Variants in BMX observed in about 807,000 individuals in gnomAD.
BMX encodes cytoplasmic tyrosine-protein kinase BMX.
In BMX, 31 loss-of-function variants were observed where a neutral mutation model predicts 59.2. The observed-to-expected ratio is 0.52, with a 90% confidence interval of 0.39 to 0.71. BMX has a LOEUF of 0.71. Ranked by LOEUF, BMX falls within the 30% of genes least tolerant of loss-of-function variation. BMX has a pLI of 0.00. For missense variants in BMX, 474 were observed against 491.7 expected, an observed-to-expected ratio of 0.96 and a Z score of 0.34; for synonymous variants, 185 against 181.0, an observed-to-expected ratio of 1.02 and a Z score of -0.18.
intron 4 of BMX, 50 bp from the exon 5 acceptor site, chrX:15,516,062 C>G (rs1187818731): frequency 8.4e-7 from 1 of 1,195,486 alleles, no homozygotes; most frequent in East Asian, 3.0e-5. Flanking sequence ...TGTTTCTCCT[C>G]TTGGATCAAC....
chrX:15,521,876 A>G (rs187306613), intron 6 of BMX, among the ~76,000 whole-genome samples: 30 of 112,066 alleles, frequency 2.7e-4, no homozygotes, highest in Admixed American at 1.9e-4. Context: ...ACATGAACAT[A>G]TTCGGGAGAC....
chrX:15,543,018 C>T, intron 15 of BMX, 53 bp from the exon 16 acceptor site: 2 of 1,105,369 alleles, frequency 1.8e-6, no homozygotes, highest in African/African-American at 1.8e-5. Context: ...AGGAAAATGT[C>T]AGGAGATTCT....
chrX:15,532,542 G>C (rs1514284), intron 11 of BMX, among the ~76,000 whole-genome samples: 9,815 of 111,230 alleles, frequency 0.088, 1,047 homozygotes, highest in African/African-American at 0.3. Context: ...TGAGAATCTG[G>C]TCAAATATTG....
chrX:15,510,870 A>G (rs907753464), intron 3 of BMX, among the ~76,000 whole-genome samples: 2 of 112,374 alleles, frequency 1.8e-5, no homozygotes, highest in Admixed American at 9.4e-5. Context: ...CATTTGTCTT[A>G]AGAAACAGAA....
At chrX:15,550,088 A>G in intron 18 of BMX, 91 bp downstream of exon 18, 3 of 1,044,395 alleles carry the variant, frequency 2.9e-6, no homozygotes, top group Non-Finnish European at 3.9e-6. Flanking sequence ...TTTTTGAGGG[A>G]AAGCAACTGG....
chrX:15,502,389 G>A (rs189859272), intron 1 of BMX, among the ~76,000 whole-genome samples: 36 of 112,003 alleles, frequency 3.2e-4, no homozygotes, highest in Non-Finnish European at 4.5e-4. Flanking sequence ...AAAGAAAGAG[G>A]TTACTGAAAA....
intron 18 of BMX, among the ~76,000 whole-genome samples, chrX:15,554,544 C>T (rs1179927034): frequency 9.1e-6 from 1 of 109,894 alleles, no homozygotes; most frequent in Non-Finnish European, 1.9e-5. Flanking sequence ...TTTGACCATG[C>T]AGAAATTTTT....
chrX:15,531,578 T>C (rs1035652600), intron 11 of BMX, among the ~76,000 whole-genome samples, 171 bp downstream of exon 11: 1 of 111,452 alleles, frequency 9.0e-6, no homozygotes, highest in South Asian at 3.8e-4. Flanking sequence ...CTCACCCCAC[T>C]GCCCCACCAT....
chrX:15,535,490 C>T (rs1925287414), intron 12 of BMX, among the ~76,000 whole-genome samples: 1 of 111,573 alleles, frequency 9.0e-6, no homozygotes, highest in Non-Finnish European at 1.9e-5. Flanking sequence ...AGGTATTGCA[C>T]AAAGAGATGC....
chrX:15,525,467 G>T, intron 8 of BMX, 102 bp downstream of exon 8: 1 of 852,644 alleles, frequency 1.2e-6, no homozygotes, highest in East Asian at 3.2e-5. Flanking sequence ...TCTACTTAAG[G>T]TAAATATAAA....
chrX:15,532,190 G>A (rs1230110045), intron 11 of BMX, among the ~76,000 whole-genome samples: 1 of 111,025 alleles, frequency 9.0e-6, no homozygotes, highest in Non-Finnish European at 1.9e-5. Context: ...GGGAAGGGTA[G>A]TTCTACCTGC....
At position 15,554,224 on chromosome X, in the gene BMX, G is replaced by C. The variant is rs754656992; in HGVS notation, c.1954-1849G>C. ...CCTCTCCATAGGCGTTGCCTCACTA[G>C]CAATGTAAGAGGGTACCTATTTTCT... On this transcript the variant is annotated intron_variant, in intron 18 of 18. Coordinates refer to ENST00000348343, the MANE Select transcript of BMX (RefSeq NM_203281.3). Among the ~76,000 whole-genome samples, 4 of 112,285 alleles carry C rather than the reference G, an allele frequency of 3.6e-5. No individual in the cohort carries two copies. In the East Asian group the frequency reaches 1.1e-3, roughly 31 times the overall value.
chrX:15,553,399 A>G (rs1373606919), intron 18 of BMX, among the ~76,000 whole-genome samples: 3 of 111,493 alleles, frequency 2.7e-5, no homozygotes, highest in Non-Finnish European at 5.6e-5. Context: ...CTGTTTCGCT[A>G]TTTGTCCTTA....
Position 15,536,834 on chromosome X carries a change from C to T in BMX, c.1223-300C>T, listed in dbSNP as rs748604303. Among the ~76,000 whole-genome samples the T allele has an allele frequency of 3.6e-5, 4 of 110,956 alleles. No homozygotes were observed. The East Asian group carries it at 1.1e-3, about 31-fold the overall frequency. On this transcript the variant is annotated intron_variant, in intron 13 of 18. Coordinates refer to ENST00000348343, the MANE Select transcript of BMX (RefSeq NM_203281.3). ...CAATGTTTTACCAATCTAAGGACAT[C>T]GAGTACATTTTGATGCTAAGCCTCT...
At chrX:15,547,932 C>T (rs1040722335) in intron 17 of BMX, among the ~76,000 whole-genome samples, 12 of 111,574 alleles carry the variant, frequency 1.1e-4, no homozygotes, top group African/African-American at 3.9e-4. Flanking sequence ...ATTTGATTTA[C>T]TGCTTGTCAC....
At chrX:15,530,094 G>C in intron 10 of BMX, 67 bp downstream of exon 10, 2 of 1,017,348 alleles carry the variant, frequency 2.0e-6, no homozygotes, top group Non-Finnish European at 2.7e-6. Context: ...AGAGGTTGAT[G>C]CATTTCTCAT....
chrX:15,503,134 G>T (rs1322253437), intron 1 of BMX, among the ~76,000 whole-genome samples: 14 of 111,578 alleles, frequency 1.3e-4, no homozygotes, highest in Non-Finnish European at 2.4e-4. Flanking sequence ...TACACTTCCT[G>T]GTTGAGGGAA....
intron 18 of BMX, among the ~76,000 whole-genome samples, chrX:15,550,230 C>T (rs1398513400): frequency 1.8e-5 from 2 of 111,607 alleles, no homozygotes; most frequent in Non-Finnish European, 3.8e-5. Context: ...TATTAACTTA[C>T]TTATGCATCA....
At chrX:15,525,920 C>T (rs1291245335) in intron 8 of BMX, 122 bp from the exon 9 acceptor site, 1 of 566,333 alleles carries the variant, frequency 1.8e-6, no homozygotes, top group Non-Finnish European at 2.8e-6. Context: ...AAGGAGAAAC[C>T]TAACAATCTA....
Sources: allele counts gnomAD v4.1 joint callset (sites outside exome capture counted in the v4.1 genomes callset), GRCh38; gene constraint gnomAD v4.1.1; transcripts MANE v1.5; gene names NCBI Gene and HGNC (gene_info 2026-07-23, HGNC 2026-07-21).